The following FAF1 variants were observed in gnomAD, a reference collection of about 807,000 sequenced individuals.
The protein encoded by FAF1 is FAS-associated factor 1.
Under a neutral mutation model 92.5 loss-of-function variants are expected in FAF1, and 25 were observed. The observed-to-expected ratio is 0.27, with a 90% CI of 0.20 to 0.38. The LOEUF is 0.38. Ranked by LOEUF, FAF1 falls within the 10% of genes least tolerant of loss-of-function variation. The pLI is 1.00. For missense variants in FAF1, 636 were observed against 793.3 expected (o/e 0.80, Z 2.38); for synonymous variants, 234 against 273.2 (o/e 0.86, Z 1.42).
intron 4 of FAF1, among the ~76,000 whole-genome samples, chr1:50,771,077 C>G (rs1324280713): frequency 6.6e-6 from 1 of 152,142 alleles, no homozygotes; most frequent in Non-Finnish European, 1.5e-5. Context: ...GGACCCCTTC[C>G]TTACAGCATA....
At chr1:50,876,529 T>A (rs78665920) in intron 1 of FAF1, among the ~76,000 whole-genome samples, 3,058 of 152,224 alleles carry the variant, frequency 0.02, 100 homozygotes, top group African/African-American at 0.071. Flanking sequence ...AACGAATACG[T>A]CAAAGGGATA....
At chr1:50,954,648 C>A (rs1645249872) in intron 1 of FAF1, among the ~76,000 whole-genome samples, 1 of 144,886 alleles carries the variant, frequency 6.9e-6, no homozygotes, top group Non-Finnish European at 1.5e-5. Flanking sequence ...TCAAGTGATT[C>A]TCCTGCCTCA....
At chr1:50,513,560 T>C (rs1474106710) in intron 15 of FAF1, among the ~76,000 whole-genome samples, 1 of 152,144 alleles carries the variant, frequency 6.6e-6, no homozygotes, top group Non-Finnish European at 1.5e-5. Context: ...AAGTTCTCAT[T>C]TGGTTTCCAT....
chr1:50,707,578 C>T (rs1470541244), intron 6 of FAF1, among the ~76,000 whole-genome samples: 1 of 151,726 alleles, frequency 6.6e-6, no homozygotes, highest in Middle Eastern at 3.2e-3. Context: ...GCTGGGCTCC[C>T]AGCTACTCGG....
At chr1:50,949,996 T>TAA (rs111621732) in intron 1 of FAF1, among the ~76,000 whole-genome samples, 2 of 148,686 alleles carry the variant, frequency 1.3e-5, no homozygotes, top group African/African-American at 4.9e-5. Context: ...CCAGCTAATT[T>TAA]AAAAAAAAAA....
intron 4 of FAF1, among the ~76,000 whole-genome samples, chr1:50,761,065 T>C (rs1419748253): frequency 2.0e-5 from 3 of 152,040 alleles, no homozygotes; most frequent in Non-Finnish European, 4.4e-5. Flanking sequence ...AACACCTCTG[T>C]GCAAATAAAC....
At chr1:50,487,382 A>G (rs572036174) in intron 17 of FAF1, among the ~76,000 whole-genome samples, 1 of 152,172 alleles carries the variant, frequency 6.6e-6, no homozygotes, top group Admixed American at 6.5e-5. Context: ...TCTGTTGTCA[A>G]CATGTTAGTC....
At chr1:50,775,163 TTGC>T (rs1420498001) in intron 4 of FAF1, among the ~76,000 whole-genome samples, 1 of 152,122 alleles carries the variant, frequency 6.6e-6, no homozygotes, top group Non-Finnish European at 1.5e-5. Flanking sequence ...AATAATTCTA[TTGC>T]TGGTCACATA....
At chr1:50,854,267 C>T (rs748316880) in intron 2 of FAF1, among the ~76,000 whole-genome samples, 4 of 152,042 alleles carry the variant, frequency 2.6e-5, no homozygotes, top group Admixed American at 2.6e-4. Flanking sequence ...TCATGTAGCA[C>T]ACTTCCACGG....
At chr1:50,649,709 G>A (rs1007533588) in intron 8 of FAF1, among the ~76,000 whole-genome samples, 14 of 150,312 alleles carry the variant, frequency 9.3e-5, no homozygotes, top group Non-Finnish European at 1.6e-4. Context: ...TTGACAGGCC[G>A]AGGCAGGTGG....
chr1:50,783,262 T>C (rs1210194774), intron 4 of FAF1, among the ~76,000 whole-genome samples: 1 of 152,090 alleles, frequency 6.6e-6, no homozygotes, highest in Non-Finnish European at 1.5e-5. Flanking sequence ...ATGGTAACAT[T>C]AGGGCATGTT....
At chr1:50,465,996 A>T (rs1181774460) in intron 18 of FAF1, among the ~76,000 whole-genome samples, 1 of 152,128 alleles carries the variant, frequency 6.6e-6, no homozygotes, top group African/African-American at 2.4e-5. Context: ...ACTGATGGGG[A>T]GCTATTACAG....
At chr1:50,671,012 A>G (rs1440079525) in intron 7 of FAF1, among the ~76,000 whole-genome samples, 2 of 152,188 alleles carry the variant, frequency 1.3e-5, no homozygotes, top group East Asian at 3.8e-4. Flanking sequence ...GAGATAGAAT[A>G]TATATAGAAT....
intron 1 of FAF1, among the ~76,000 whole-genome samples, chr1:50,896,623 T>C (rs1644759570): frequency 6.6e-6 from 1 of 152,188 alleles, no homozygotes. Context: ...AATTCTGACA[T>C]ACGCTACAAC....
chr1:50,648,535 A>C (rs1265245739), intron 8 of FAF1, among the ~76,000 whole-genome samples: 3 of 152,228 alleles, frequency 2.0e-5, no homozygotes, highest in Non-Finnish European at 4.4e-5. Flanking sequence ...CTAAAGAATG[A>C]AGGGTTTTGA....
At chr1:50,946,142 T>G (rs1200337935) in intron 1 of FAF1, among the ~76,000 whole-genome samples, 1 of 152,258 alleles carries the variant, frequency 6.6e-6, no homozygotes, top group African/African-American at 2.4e-5. Context: ...AACTTTCTTT[T>G]CTGCCCACGT....
At chr1:50,812,682 TAAGA>T (rs1643928367) in intron 2 of FAF1, among the ~76,000 whole-genome samples, 1 of 152,124 alleles carries the variant, frequency 6.6e-6, no homozygotes, top group Non-Finnish European at 1.5e-5. Flanking sequence ...TCAAAGAACT[TAAGA>T]AAGAATTACC....
intron 15 of FAF1, 73 bp downstream of exon 15, chr1:50,535,296 G>A (rs1648415655): frequency 2.1e-6 from 2 of 971,408 alleles, no homozygotes; most frequent in Admixed American, 1.8e-5. Flanking sequence ...TCATAGGCAT[G>A]TATCATCATT....
At chr1:50,584,316 CATT>C (rs1407239478) in intron 10 of FAF1, among the ~76,000 whole-genome samples, 2 of 152,010 alleles carry the variant, frequency 1.3e-5, no homozygotes, top group Non-Finnish European at 2.9e-5. Context: ...AGAAAAGTAA[CATT>C]ATTACTCTTA....
Sources: gnomAD v4.1 joint callset for allele counts (sites outside exome capture counted in the v4.1 genomes callset) on GRCh38, gnomAD v4.1.1 for gene constraint, MANE v1.5 for transcripts, NCBI Gene and HGNC (gene_info 2026-07-23, HGNC 2026-07-21) for gene names.